The following RPA3 variants were observed in gnomAD, a reference collection of about 807,000 sequenced individuals.
RPA3 encodes replication protein A 14 kDa subunit.
Under a neutral mutation model 13.7 loss-of-function variants are expected in RPA3, and 24 were observed. The observed-to-expected ratio is 1.75, with a 90% CI of 1.27 to 2.46. The LOEUF is 2.46. Ranked by LOEUF, RPA3 falls within the 30% of genes most tolerant of loss-of-function variation. The pLI, the probability that RPA3 is intolerant of heterozygous loss-of-function variation, is 0.00. For missense variants in RPA3, 183 were observed against 151.0 expected (o/e 1.21, Z -1.11); for synonymous variants, 59 against 51.2 (o/e 1.15, Z -0.65).
chr7:7,643,625 T>C (rs868443462), intron 4 of RPA3, among the ~76,000 whole-genome samples: 7 of 150,480 alleles, frequency 4.7e-5, no homozygotes, highest in Admixed American at 1.3e-4. Context: ...GGCAGGAGAA[T>C]GGCGTGAACC....
intron 4 of RPA3, chr7:7,673,299 T>G (rs1393722634): frequency 8.3e-7 from 1 of 1,208,906 alleles, no homozygotes; most frequent in Non-Finnish European, 1.2e-6. Flanking sequence ...GTGTAATGTT[T>G]CTATTTCAGG....
rs71011001 is a variant in RPA3, at chr7:7,704,766, C to CAAAAAAAA, written c.-1028+10401_-1028+10408dup. ...TGGGTGACAGAGCGAGACTCCATCT[C>CAAAAAAAA]AAAAAAAAAAAAAAAAAAAAAAAAA... On this transcript the variant is annotated intron_variant, in intron 2 of 7. Transcript: ENST00000223129. 2.0e-3 allele frequency among the ~76,000 whole-genome samples: 35 copies of CAAAAAAAA among 17,848 alleles called. 5 individuals carry two copies. The East Asian group carries it at 0.04, about 20-fold the overall frequency. The allele number at this position is 17,848 out of a possible 152,430, so 11.7% of individuals were successfully genotyped here.
chr7:7,640,109 G>C (rs759621703), intron 5 of RPA3: 19 of 582,022 alleles, frequency 3.3e-5, no homozygotes, highest in Non-Finnish European at 5.5e-5. Flanking sequence ...TTAGAACTCA[G>C]CATTTGAAAA....
chr7:7,643,798 C>T (rs6974015), intron 4 of RPA3, among the ~76,000 whole-genome samples: 83,743 of 151,086 alleles, frequency 0.55, 24,735 homozygotes, highest in East Asian at 0.88. Context: ...TTCACATTCC[C>T]GCTTGGGTCT....
At chr7:7,651,337 G>T (rs1420482066) in intron 4 of RPA3, among the ~76,000 whole-genome samples, 1 of 152,118 alleles carries the variant, frequency 6.6e-6, no homozygotes, top group Non-Finnish European at 1.5e-5. Flanking sequence ...CTTTTGGCTG[G>T]GGTTTGGGGT....
chr7:7,661,328 A>G (rs1785469424), intron 4 of RPA3, among the ~76,000 whole-genome samples: 1 of 152,036 alleles, frequency 6.6e-6, no homozygotes, highest in Non-Finnish European at 1.5e-5. Context: ...CAATTTGTCA[A>G]ACTCACCATT....
chr7:7,705,231 C>T (rs771769386), intron 2 of RPA3, among the ~76,000 whole-genome samples: 5 of 152,078 alleles, frequency 3.3e-5, no homozygotes, highest in Admixed American at 2.0e-4. Context: ...ATGATTGTAA[C>T]GAAGTTCGTA....
chr7:7,639,045 G>C (rs754856446), intron 6 of RPA3, 25 bp downstream of exon 6: 18 of 1,552,504 alleles, frequency 1.2e-5, no homozygotes, highest in Admixed American at 1.9e-5. Flanking sequence ...TAATATATAA[G>C]AGACTTATTA....
chr7:7,700,103 G>T (rs982110496), intron 2 of RPA3, among the ~76,000 whole-genome samples: 9 of 152,132 alleles, frequency 5.9e-5, no homozygotes, highest in African/African-American at 2.2e-4. Flanking sequence ...TCATAGATTG[G>T]TGGCTTGTAA....
intron 2 of RPA3, among the ~76,000 whole-genome samples, chr7:7,695,110 A>T (rs1414267920): frequency 3.3e-5 from 5 of 152,156 alleles, no homozygotes; most frequent in Admixed American, 3.3e-4. Flanking sequence ...TCTTGTTGTA[A>T]TTATGATTTG....
chr7:7,640,143 G>T (rs2115539089), intron 5 of RPA3, 177 bp downstream of exon 5: 2 of 652,618 alleles, frequency 3.1e-6, no homozygotes, highest in South Asian at 1.7e-5. Context: ...TGCCATAAAA[G>T]AGCGCCAAAA....
At chr7:7,712,697 C>T (rs1490675866) in intron 2 of RPA3, among the ~76,000 whole-genome samples, 1 of 152,132 alleles carries the variant, frequency 6.6e-6, no homozygotes, top group East Asian at 1.9e-4. Context: ...TGGTCTAGGA[C>T]CTCTAGTATG....
intron 4 of RPA3, among the ~76,000 whole-genome samples, chr7:7,665,786 A>G (rs1373362576): frequency 1.3e-5 from 2 of 150,884 alleles, no homozygotes; most frequent in Admixed American, 6.6e-5. Flanking sequence ...GGAATCATAT[A>G]GTATGAACTT....
intron 4 of RPA3, among the ~76,000 whole-genome samples, chr7:7,683,879 T>C (rs1779975027): frequency 6.6e-6 from 1 of 152,210 alleles, no homozygotes; most frequent in Admixed American, 6.5e-5. Context: ...TGCCTTGGCC[T>C]CCCAAACAGC....
At chr7:7,711,010 A>C (rs938793498) in intron 2 of RPA3, among the ~76,000 whole-genome samples, 1 of 152,162 alleles carries the variant, frequency 6.6e-6, no homozygotes, top group African/African-American at 2.4e-5. Context: ...AAAAATAGAG[A>C]AATCATTGGT....
intron 4 of RPA3, among the ~76,000 whole-genome samples, chr7:7,646,367 A>G (rs1294263267): frequency 6.6e-6 from 1 of 151,444 alleles, no homozygotes; most frequent in Admixed American, 6.6e-5. Flanking sequence ...TGTGGGAGGG[A>G]CCCGATGAGA....
chr7:7,698,128 C>G (rs920243921), intron 2 of RPA3, among the ~76,000 whole-genome samples: 2 of 152,148 alleles, frequency 1.3e-5, no homozygotes, highest in African/African-American at 4.8e-5. Flanking sequence ...AGACACTGTG[C>G]TGACAGGCAC....
chr7:7,645,434 T>C (rs534211376), intron 4 of RPA3, among the ~76,000 whole-genome samples: 5 of 152,348 alleles, frequency 3.3e-5, no homozygotes, highest in African/African-American at 1.2e-4. Context: ...TAGTTCTACA[T>C]TCAATATCTA....
chr7:7,679,731 T>TATATATATATATATATAC (rs1554313986), intron 4 of RPA3, among the ~76,000 whole-genome samples: 2 of 135,908 alleles, frequency 1.5e-5, no homozygotes, highest in East Asian at 4.2e-4. Context: ...TATATATATA[T>TATATATATATATATATAC]ACACACACAC....
Sources: allele counts gnomAD v4.1 joint callset (sites outside exome capture counted in the v4.1 genomes callset), GRCh38; gene constraint gnomAD v4.1.1; transcripts MANE v1.5; gene names NCBI Gene and HGNC (gene_info 2026-07-23, HGNC 2026-07-21).